Variants in DNAH14 observed in about 807,000 individuals in gnomAD.
DNAH14 encodes the protein dynein axonemal heavy chain 14.
In DNAH14, 478 loss-of-function variants were observed where a neutral mutation model predicts 520.9. The observed-to-expected ratio is 0.92, with a 90% CI of 0.85 to 0.99. The LOEUF is 0.99. Ranked by LOEUF, DNAH14 falls within the 50% of genes least tolerant of loss-of-function variation. DNAH14 has a pLI of 0.00. For missense variants in DNAH14, 4,831 were observed against 5,234.5 expected (o/e 0.92, Z 2.38); for synonymous variants, 1,581 against 1,757.2 (o/e 0.90, Z 2.51).
At chr1:224,988,678 C>T (rs1344178145) in intron 8 of DNAH14, among the ~76,000 whole-genome samples, 1 of 152,148 alleles carries the variant, frequency 6.6e-6, no homozygotes, top group African/African-American at 2.4e-5. Flanking sequence ...GAGGATCTCA[C>T]TCTGTCAGCC....
chr1:225,358,581 C>T lies in DNAH14; in HGVS notation c.11705C>T (p.Thr3902Ile). 6.5e-7 allele frequency: 1 copy of T among 1,549,230 alleles called. No individual in the cohort carries two copies. Among genetic ancestry groups the T allele is most frequent in the Non-Finnish European group, 8.7e-7 (1 of 1,145,938 alleles). The change falls in exon 74 of 86, where the codon ACT becomes ATT. Residue 3902 changes from threonine to isoleucine, a missense_variant. Transcript: ENST00000682510. ...ATGGGAAATAAGTATCTTCAAAGAA[C>T]TGGAGTTAATTTGAAAGATGCATAT... The part of the protein sequence containing the change: ...EKMGNKYLQR[T>I]GVNLKDAYKG...
intron 6 of DNAH14, among the ~76,000 whole-genome samples, chr1:224,968,259 G>C (rs1051628550): frequency 6.6e-6 from 1 of 152,014 alleles, no homozygotes; most frequent in Non-Finnish European, 1.5e-5. Context: ...TTTTCTCTCT[G>C]GAATAAATTT....
chr1:225,125,033 A>C (rs2077603395), intron 27 of DNAH14, among the ~76,000 whole-genome samples: 1 of 152,156 alleles, frequency 6.6e-6, no homozygotes, highest in African/African-American at 2.4e-5. Context: ...AATATTTTGA[A>C]AGGAATCTTT....
At chr1:224,982,622 C>T (rs1375781699) in intron 8 of DNAH14, among the ~76,000 whole-genome samples, 1 of 151,062 alleles carries the variant, frequency 6.6e-6, no homozygotes, top group East Asian at 2.0e-4. Context: ...AGCTGTACCC[C>T]AGAGGTTTTG....
chr1:225,148,336 G>A (rs2080141905), intron 31 of DNAH14, among the ~76,000 whole-genome samples: 1 of 150,070 alleles, frequency 6.7e-6, no homozygotes, highest in Non-Finnish European at 1.5e-5. Context: ...TCTGACTGAT[G>A]TGAGATAGTA....
chr1:225,173,552 A>G (rs959908996), intron 36 of DNAH14, among the ~76,000 whole-genome samples: 1 of 152,238 alleles, frequency 6.6e-6, no homozygotes, highest in Non-Finnish European at 1.5e-5. Context: ...AATCAAAACC[A>G]CAATGAGATA....
chr1:224,933,339 G>A (rs1399609594), intron 1 of DNAH14, among the ~76,000 whole-genome samples: 2 of 151,982 alleles, frequency 1.3e-5, no homozygotes, highest in Non-Finnish European at 2.9e-5. Context: ...GAGTTTTTAG[G>A]TATTTCTAGA....
intron 29 of DNAH14, 92 bp downstream of exon 29, chr1:225,144,720 T>G (rs898480580): frequency 9.9e-7 from 1 of 1,013,032 alleles, no homozygotes; most frequent in Non-Finnish European, 1.4e-6. Flanking sequence ...TTCCTGCTAT[T>G]AAGATGTTCA....
At chr1:225,025,531 A>C (rs1284537187) in intron 11 of DNAH14, among the ~76,000 whole-genome samples, 1 of 151,922 alleles carries the variant, frequency 6.6e-6, no homozygotes, top group African/African-American at 2.4e-5. Context: ...CAGGAGTTCA[A>C]GACCAGTCTG....
chr1:225,207,751 C>T (rs1377751753), intron 41 of DNAH14, among the ~76,000 whole-genome samples: 2 of 152,286 alleles, frequency 1.3e-5, no homozygotes, highest in East Asian at 3.9e-4. Context: ...AATTCTCTCT[C>T]TGAAACCAGT....
In DNAH14 at chr1:225,398,730, C is replaced by T. The variant is rs371383224; in HGVS notation, c.13638+64C>T. On this transcript the variant is annotated intron_variant, in intron 85 of 85. Coordinates refer to ENST00000682510, the MANE Select transcript of DNAH14 (RefSeq NM_001367479.1). ...GAGCGTTGCTTCAGTAATATACAAA[C>T]CACTCTTATTCCCATTCCCTACAAT... 120 of 1,520,024 alleles carry T rather than the reference C, an allele frequency of 7.9e-5. 1 individual carries two copies. The South Asian group carries it at 1.4e-3, about 18-fold the overall frequency. The allele number at this position is 1,520,024 out of a possible 1,614,324, so 94.2% of individuals were successfully genotyped here.
chr1:225,013,891 T>C (rs1023108923), intron 10 of DNAH14, among the ~76,000 whole-genome samples: 2 of 152,156 alleles, frequency 1.3e-5, no homozygotes, highest in Admixed American at 6.6e-5. Flanking sequence ...CTTGCTGGGC[T>C]CCTTGGGGGT....
At chr1:225,113,851 A>C (rs1401142240) in intron 23 of DNAH14, among the ~76,000 whole-genome samples, 2 of 152,140 alleles carry the variant, frequency 1.3e-5, no homozygotes, top group Admixed American at 6.5e-5. Context: ...AAATGCTGCC[A>C]GGCTTTGGAC....
chr1:225,387,384 A>ATAAT (rs2150805311), intron 81 of DNAH14, among the ~76,000 whole-genome samples: 1 of 151,692 alleles, frequency 6.6e-6, no homozygotes, highest in African/African-American at 2.4e-5. Context: ...TTAAAGTATA[A>ATAAT]TAATAAATAA....
intron 78 of DNAH14, among the ~76,000 whole-genome samples, 197 bp from the exon 79 acceptor site, chr1:225,377,023 TATGCACATTACAATACA>T (rs1260606461): frequency 6.6e-6 from 1 of 152,044 alleles, no homozygotes; most frequent in Non-Finnish European, 1.5e-5. Flanking sequence ...ATGCATATCA[TATGCACATTACAATACA>T]GTAGTCCCAA....
At chr1:225,234,079 T>A (rs2091363821) in intron 42 of DNAH14, among the ~76,000 whole-genome samples, 1 of 152,236 alleles carries the variant, frequency 6.6e-6, no homozygotes, top group South Asian at 2.1e-4. Context: ...GTCACATTTG[T>A]CAAAGATCAG....
chr1:225,357,237 T>G (rs2095439799), intron 73 of DNAH14, among the ~76,000 whole-genome samples: 2 of 152,106 alleles, frequency 1.3e-5, no homozygotes, highest in East Asian at 1.9e-4. Context: ...GAATGATTTG[T>G]GGTTGCTTAG....
At chr1:225,377,559 A>AGACC in intron 79 of DNAH14, 123 bp downstream of exon 79, 2 of 927,540 alleles carry the variant, frequency 2.2e-6, no homozygotes, top group Admixed American at 6.2e-5. Flanking sequence ...CAGGAGTTCG[A>AGACC]GACCACTCTG....
intron 8 of DNAH14, among the ~76,000 whole-genome samples, chr1:224,977,746 T>A (rs1366414626): frequency 6.6e-6 from 1 of 152,154 alleles, no homozygotes; most frequent in Non-Finnish European, 1.5e-5. Flanking sequence ...GCCTGCAGAA[T>A]GGGAGAAAAT....
Sources: allele counts gnomAD v4.1 joint callset (sites outside exome capture counted in the v4.1 genomes callset), GRCh38; gene constraint gnomAD v4.1.1; transcripts MANE v1.5; gene names NCBI Gene and HGNC (gene_info 2026-07-23, HGNC 2026-07-21).